The following CARM1 variants were observed in gnomAD, a reference collection of about 807,000 sequenced individuals.
The protein encoded by CARM1 is histone-arginine methyltransferase CARM1.
A neutral mutation model predicts 72.7 loss-of-function variants in CARM1; 14 were observed. The observed-to-expected ratio is 0.19, with a 90% CI of 0.13 to 0.30. The LOEUF (loss-of-function observed/expected upper bound fraction) is 0.30. CARM1 is among the 10% of genes least tolerant of loss of function. The pLI is 1.00. For missense variants in CARM1, 432 were observed against 833.7 expected, an observed-to-expected ratio of 0.52 and a Z score of 5.93; for synonymous variants, 333 against 345.5, an observed-to-expected ratio of 0.96 and a Z score of 0.40.
chr19:10,908,795 G>A (rs2074123466), intron 3 of CARM1: 2 of 287,940 alleles, frequency 6.9e-6, no homozygotes, highest in Non-Finnish European at 1.3e-5. Flanking sequence ...TCAAGATGAG[G>A]CAGGTGGCCC....
In CARM1 at chr19:10,871,571, T is replaced by TGCGGCGGCGGTA. The variant is rs2073811876; in HGVS notation, c.-126_-115dup. The TGCGGCGGCGGTA allele has an allele frequency of 8.7e-6, 1 of 114,812 alleles. No individual in the cohort carries two copies. 7.1% of individuals were successfully genotyped at this position (114,812 alleles called of 1,614,324 possible). A position where few individuals can be genotyped will look rare whatever the true frequency, so the allele number is the denominator to read the frequency against. On this transcript the variant is annotated 5_prime_UTR_variant, in exon 1 of 16. Coordinates refer to ENST00000327064, the MANE Select transcript of CARM1 (RefSeq NM_199141.2). This position sits in a 1 kb window ranked among gnomAD's most constrained non-coding sequence, Gnocchi z 5.6. Reference sequence around the variant, plus strand: ...GCTCGGCCTCGGCCTGCACGGCGGCTGCGGCGGCGGTAGCGGCAGCGGCGG... The same window carrying TGCGGCGGCGGTA: ...GCTCGGCCTCGGCCTGCACGGCGGCTGCGGCGGCGGTAGCGGCGGCGGTAGCGGCAGCGGCGG...
At chr19:10,903,779 G>A (rs2074083346) in intron 1 of CARM1, among the ~76,000 whole-genome samples, 1 of 152,072 alleles carries the variant, frequency 6.6e-6, no homozygotes, top group Non-Finnish European at 1.5e-5. Flanking sequence ...CTGTCACCCA[G>A]GCTGGAATGC....
At chr19:10,906,538 C>T (rs1372499530) in intron 2 of CARM1, among the ~76,000 whole-genome samples, 1 of 152,190 alleles carries the variant, frequency 6.6e-6, no homozygotes, top group Non-Finnish European at 1.5e-5. Context: ...TCTCGGCTCA[C>T]CGCAACCTCC....
chr19:10,918,954 T>G (rs1000105798), intron 8 of CARM1: 1 of 152,280 alleles, frequency 6.6e-6, no homozygotes, highest in Non-Finnish European at 1.5e-5. Flanking sequence ...GCAGGTGTGT[T>G]AGTCGGATAT....
Position 10,921,764 on chromosome 19 carries a change from G to A in CARM1, c.*7G>A, listed in dbSNP as rs200913839. 2.8e-4 allele frequency: 442 copies of A among 1,581,036 alleles called. 2 individuals are homozygous for A. Among genetic ancestry groups the A allele is most frequent in the South Asian group, 1.9e-3 (165 of 88,538 alleles). On this transcript the variant is annotated 3_prime_UTR_variant, in exon 16 of 16. Coordinates refer to ENST00000327064, the MANE Select transcript of CARM1 (RefSeq NM_199141.2). Reference sequence around the variant, plus strand: ...CATGCACTACGGGAGCTAGGGGCCCGCCCCGCGGACTGACAGCACCAGGAA... The same window carrying A: ...CATGCACTACGGGAGCTAGGGGCCCACCCCGCGGACTGACAGCACCAGGAA...
chr19:10,913,453 G>A (rs908036351), intron 5 of CARM1, among the ~76,000 whole-genome samples: 4 of 151,736 alleles, frequency 2.6e-5, no homozygotes, highest in East Asian at 1.9e-4. Context: ...TGGGAGAATC[G>A]CTAGAACCCG....
rs1235913410 is a variant in CARM1, at chr19:10,912,590, C to T, written c.669+296C>T. Reference sequence around the variant, plus strand: ...ATAAAAGCTAAAAAAGAGCAGACAGCGTGCTCTCCTTCCCCACCCCAGCTC... The same window carrying T: ...ATAAAAGCTAAAAAAGAGCAGACAGTGTGCTCTCCTTCCCCACCCCAGCTC... On this transcript the variant is annotated intron_variant, in intron 5 of 15. Transcript: ENST00000327064. The surrounding 1 kb of genome is among the most constrained non-coding windows in gnomAD (Gnocchi z 4.5). Among the ~76,000 whole-genome samples, 2 of 151,688 alleles carry T rather than the reference C, an allele frequency of 1.3e-5. No individual in the cohort carries two copies. The highest frequency in any genetic ancestry group is 2.4e-5 in the African/African-American group (1 of 41,226).
chr19:10,883,908 C>T (rs2073920671), intron 1 of CARM1, among the ~76,000 whole-genome samples: 1 of 150,568 alleles, frequency 6.6e-6, no homozygotes, highest in Admixed American at 6.6e-5. Context: ...ATCCCAGCTA[C>T]TTGGGAGGCT....
intron 1 of CARM1, among the ~76,000 whole-genome samples, chr19:10,889,497 T>TTG (rs924556630): frequency 1.3e-5 from 2 of 150,448 alleles, no homozygotes; most frequent in African/African-American, 4.9e-5. Flanking sequence ...TTTTTTTTTT[T>TTG]TTTGTATTTT....
At chr19:10,914,907 C>T (rs1246249072) in intron 6 of CARM1, among the ~76,000 whole-genome samples, 3 of 152,190 alleles carry the variant, frequency 2.0e-5, no homozygotes, top group East Asian at 1.9e-4. Flanking sequence ...GCAGCCCTGA[C>T]GCCTGAGGCA....
chr19:10,909,300 G>A lies in CARM1; in HGVS notation c.558+93G>A, dbSNP rs2074128111. 3 of 810,722 alleles carry A rather than the reference G, an allele frequency of 3.7e-6. No homozygotes were observed. The South Asian group carries it at 4.6e-5, about 12-fold the overall frequency. The allele number at this position is 810,722 out of a possible 1,614,324, so 50.2% of individuals were successfully genotyped here. ...TTTTATCTTTAATTTTCTCAGATTA[G>A]AAATGCATTTATCTCAGTTACTGCA... On this transcript the variant is annotated intron_variant, in intron 4 of 15. Coordinates refer to ENST00000327064, the MANE Select transcript of CARM1 (RefSeq NM_199141.2).
At chr19:10,875,356 G>C (rs1433423954) in intron 1 of CARM1, among the ~76,000 whole-genome samples, 1 of 151,606 alleles carries the variant, frequency 6.6e-6, no homozygotes, top group Non-Finnish European at 1.5e-5. Flanking sequence ...GTGAGATGGA[G>C]TCTCGCCGTG....
At chr19:10,900,298 A>G (rs1039737103) in intron 1 of CARM1, among the ~76,000 whole-genome samples, 6 of 152,164 alleles carry the variant, frequency 3.9e-5, no homozygotes, top group African/African-American at 9.7e-5. Flanking sequence ...TTGCATAACA[A>G]TCACCTCTAT....
At chr19:10,885,366 T>G (rs963889000) in intron 1 of CARM1, among the ~76,000 whole-genome samples, 2 of 152,230 alleles carry the variant, frequency 1.3e-5, no homozygotes, top group Non-Finnish European at 2.9e-5. Context: ...TTTTCCTTTA[T>G]GTCGTTGGCA....
intron 1 of CARM1, among the ~76,000 whole-genome samples, chr19:10,894,503 C>T (rs2074010007): frequency 1.3e-5 from 2 of 152,130 alleles, no homozygotes; most frequent in African/African-American, 4.8e-5. Context: ...TCTTTGGCAG[C>T]AGGAGGCGAT....
chr19:10,891,681 G>T (rs755444594), intron 1 of CARM1, among the ~76,000 whole-genome samples: 27 of 152,158 alleles, frequency 1.8e-4, no homozygotes, highest in Admixed American at 2.6e-4. Context: ...CGTAGACGCC[G>T]GCCCTCCCGC....
rs1479112537 is a variant in CARM1, at chr19:10,896,327, G to A, written c.221-8624G>A. ...GGCTAGGGAATCCTTATACCTTAGA[G>A]TCCCCCAGATTCTGCTGCCCTGGGG... is the stretch of plus-strand genomic sequence containing the variant. On this transcript the variant is annotated intron_variant, in intron 1 of 15. Transcript: ENST00000327064. The surrounding 1 kb of genome is among the most constrained non-coding windows in gnomAD (Gnocchi z 5.2). 6.6e-6 allele frequency among the ~76,000 whole-genome samples: 1 copy of A among 152,008 alleles called. No homozygotes were observed. Among genetic ancestry groups the A allele is most frequent in the South Asian group, 2.1e-4 (1 of 4,828 alleles).
chr19:10,915,806 G>C lies in CARM1; in HGVS notation c.848-601G>C, dbSNP rs1385385155. Among the ~76,000 whole-genome samples, 4 of 152,148 alleles carry C rather than the reference G, an allele frequency of 2.6e-5. No homozygotes were observed. The highest frequency in any genetic ancestry group is 2.9e-5 in the Non-Finnish European group (2 of 68,000). ...GGCCCTGACTCATGCGTCTACCCTT[G>C]AGTCACAGAGGGAGGCCCTGCCCTT... On this transcript the variant is annotated intron_variant, in intron 6 of 15. Coordinates refer to ENST00000327064, the MANE Select transcript of CARM1 (RefSeq NM_199141.2). The surrounding 1 kb of genome is among the most constrained non-coding windows in gnomAD (Gnocchi z 4.6).
At chr19:10,889,637 T>G (rs1027411198) in intron 1 of CARM1, among the ~76,000 whole-genome samples, 4 of 152,014 alleles carry the variant, frequency 2.6e-5, no homozygotes, top group Non-Finnish European at 5.9e-5. Context: ...CCCAGAATTG[T>G]TTATTACCTT....
Sources: gnomAD v4.1 joint callset for allele counts (sites outside exome capture counted in the v4.1 genomes callset) on GRCh38, gnomAD v4.1.1 for gene constraint, Gnocchi (gnomAD v3.1) non-coding constraint, MANE v1.5 for transcripts, NCBI Gene and HGNC (gene_info 2026-07-23, HGNC 2026-07-21) for gene names.